Variants in SMO observed in about 807,000 individuals in gnomAD.
SMO encodes the protein protein smoothened.
SMO carries 40 observed loss-of-function variants against 81.6 expected under a neutral mutation model. That is an observed-to-expected ratio of 0.49 (90% confidence interval 0.38 to 0.64). SMO has a LOEUF of 0.64. Ranked by LOEUF, SMO falls within the 30% of genes least tolerant of loss-of-function variation. The pLI is 0.00. For missense variants in SMO, 916 were observed against 1,061.1 expected (o/e 0.86, Z 1.90); for synonymous variants, 434 against 432.1 (o/e 1.00, Z -0.05).
chr7:129,193,785 AATATATATATATATAT>A (rs71526088), intron 1 of SMO, among the ~76,000 whole-genome samples: 29 of 26,356 alleles, frequency 1.1e-3, no homozygotes, highest in African/African-American at 4.2e-3. Context: ...AAAAAAAAAA[AATATATATATATATAT>A]ATATATATAT....
chr7:129,191,715 G>A (rs1793485047), intron 1 of SMO, among the ~76,000 whole-genome samples: 1 of 152,130 alleles, frequency 6.6e-6, no homozygotes, highest in South Asian at 2.1e-4. Flanking sequence ...GCTCTTAGGG[G>A]TGTTTTTGTG....
intron 1 of SMO, among the ~76,000 whole-genome samples, chr7:129,202,844 CG>C (rs1793692909): frequency 6.6e-6 from 1 of 152,182 alleles, no homozygotes; most frequent in Non-Finnish European, 1.5e-5. Flanking sequence ...AAATCCACCC[CG>C]GGGAGCTCTA....
rs1435033504 is a variant in SMO at position 129,208,126 on chromosome 7, A to T, written c.1265-633A>T. On this transcript the variant is annotated intron_variant, in intron 6 of 11. Coordinates refer to ENST00000249373, the MANE Select transcript of SMO (RefSeq NM_005631.5). The surrounding 1 kb of genome is among the most constrained non-coding windows in gnomAD (Gnocchi z 5.2). Reference sequence around the variant, plus strand: ...TTCTTTTAACTTTTTTTAAGTGGCCACTAGAAATTTGCCATATGTATGTGG... The same window carrying T: ...TTCTTTTAACTTTTTTTAAGTGGCCTCTAGAAATTTGCCATATGTATGTGG... Among the ~76,000 whole-genome samples the T allele has an allele frequency of 6.6e-6, 1 of 152,136 alleles. No homozygotes were observed. The highest frequency in any genetic ancestry group is 1.9e-4 in the East Asian group (1 of 5,180).
chr7:129,201,184 T>C (rs1793662956), intron 1 of SMO, among the ~76,000 whole-genome samples: 1 of 151,808 alleles, frequency 6.6e-6, no homozygotes, highest in Admixed American at 6.6e-5. Flanking sequence ...GTAGCTGGGA[T>C]TACAGGCATG....
chr7:129,200,731 T>TTG (rs1793655625), intron 1 of SMO, among the ~76,000 whole-genome samples: 5 of 149,584 alleles, frequency 3.3e-5, no homozygotes, highest in Non-Finnish European at 7.4e-5. Context: ...CAGTTTTTTT[T>TTG]TTGTTGTTGT....
At chr7:129,192,762 GGAA>G (rs758759966) in intron 1 of SMO, among the ~76,000 whole-genome samples, 3 of 152,194 alleles carry the variant, frequency 2.0e-5, no homozygotes, top group East Asian at 1.9e-4. Flanking sequence ...GAATGCTAGA[GGAA>G]GAAGAAGTTT....
chr7:129,190,809 C>CT (rs1482166796), intron 1 of SMO, among the ~76,000 whole-genome samples: 2 of 152,206 alleles, frequency 1.3e-5, no homozygotes, highest in Non-Finnish European at 2.9e-5. Context: ...TTTGAAAACT[C>CT]TGCAGATTAC....
intron 1 of SMO, among the ~76,000 whole-genome samples, chr7:129,191,425 C>T (rs1793480298): frequency 6.6e-6 from 1 of 152,304 alleles, no homozygotes; most frequent in Non-Finnish European, 1.5e-5. Flanking sequence ...AGCCCAGCAC[C>T]GTTAGTTCCA....
intron 1 of SMO, among the ~76,000 whole-genome samples, chr7:129,197,039 T>G (rs940113158): frequency 1.5e-5 from 2 of 136,396 alleles, no homozygotes; most frequent in East Asian, 2.2e-4. Flanking sequence ...AAAAAAGAAA[T>G]AAAATTGATG....
At chr7:129,200,731 T>G (rs6953056) in intron 1 of SMO, among the ~76,000 whole-genome samples, 119,631 of 149,654 alleles carry the variant, frequency 0.8, 47,745 homozygotes, top group Middle Eastern at 0.88. Flanking sequence ...CAGTTTTTTT[T>G]TTGTTGTTGT....
chr7:129,209,445 C>T, intron 8 of SMO, 48 bp downstream of exon 8: 1 of 1,297,444 alleles, frequency 7.7e-7, no homozygotes. Context: ...GGAGCCAAGG[C>T]CATAAAGACA....
chr7:129,209,070 C>T (rs1793820996), intron 7 of SMO: 1 of 609,928 alleles, frequency 1.6e-6, no homozygotes, highest in African/African-American at 1.8e-5. Context: ...GGGACTGGTT[C>T]CTCCTGCCCA....
chr7:129,209,344 C>A lies in SMO; in HGVS notation c.1413C>A (p.Phe471Leu). Residue 471 changes from phenylalanine (F) to leucine (L), a missense_variant, in exon 8 of 12, where the codon TTC becomes TTA. Phe to Leu is a conservative substitution (Grantham distance 22, BLOSUM62 0). This residue lies in a region of SMO where 436 missense variants were observed against 570.9 expected (regional missense o/e 0.76). Transcript: ENST00000249373. The stretch of plus-strand genomic sequence containing the variant: ...TGCTCATTACCTTCAGCTGCCACTT[C>A]TACGACTTCTTCAACCAGGCTGAGT... ...GFVLITFSCH[F>L]YDFFNQAEWE... 1 of 1,614,176 alleles carries A rather than the reference C, an allele frequency of 6.2e-7. No homozygotes were observed. Among genetic ancestry groups the A allele is most frequent in the Non-Finnish European group, 8.5e-7 (1 of 1,180,006 alleles).
rs1377500860 is a variant in SMO at position 129,203,464 on chromosome 7, C to A, written c.412C>A (p.Arg138=). The A allele has an allele frequency of 6.3e-7, 1 of 1,584,572 alleles. No individual in the cohort carries two copies. The highest frequency in any genetic ancestry group is 2.3e-5 in the East Asian group (1 of 43,524). The part of the protein sequence containing the change: ...AVYMPKCEND[R]VELPSRTLCQ... Reference sequence around the variant, plus strand: ...ATACATGCCCAAGTGTGAGAATGACCGGGTGGAGCTGCCCAGCCGTACCCT... The same window carrying A: ...ATACATGCCCAAGTGTGAGAATGACAGGGTGGAGCTGCCCAGCCGTACCCT... The change falls in exon 2 of 12, where the codon CGG becomes AGG. Residue 138 remains arginine, a synonymous_variant. Coordinates refer to ENST00000249373, the MANE Select transcript of SMO (RefSeq NM_005631.5).
chr7:129,211,489 T>C lies in SMO; in HGVS notation c.1802-147T>C. ...CCCTTCTCTTCAGATTCTGAAGGGGTAGAGATCACCGTGGTTACAGGGTGA... is the reference window on the plus strand; with the variant it reads ...CCCTTCTCTTCAGATTCTGAAGGGGCAGAGATCACCGTGGTTACAGGGTGA... On this transcript the variant is annotated intron_variant, in intron 10 of 11. Coordinates refer to ENST00000249373, the MANE Select transcript of SMO (RefSeq NM_005631.5). This position sits in a 1 kb window ranked among gnomAD's most constrained non-coding sequence, Gnocchi z 4.6. The C allele has an allele frequency of 1.1e-6, 1 of 878,730 alleles. No individual in the cohort carries two copies. 54.4% of individuals were successfully genotyped at this position (878,730 alleles called of 1,614,324 possible).
At chr7:129,203,807 G>A (rs1476598204) in intron 2 of SMO, among the ~76,000 whole-genome samples, 1 of 152,162 alleles carries the variant, frequency 6.6e-6, no homozygotes, top group African/African-American at 2.4e-5. Context: ...CACATGTTCA[G>A]CAAAATGTTT....
chr7:129,197,862 T>C (rs543605947), intron 1 of SMO, among the ~76,000 whole-genome samples: 1 of 152,334 alleles, frequency 6.6e-6, no homozygotes, highest in South Asian at 2.1e-4. Flanking sequence ...ACTTGACTAG[T>C]CATCAGAATC....
At position 129,191,036 on chromosome 7, in the gene SMO, A is replaced by G. The variant is rs192537217; in HGVS notation, c.331+1554A>G. On this transcript the variant is annotated intron_variant, in intron 1 of 11. Coordinates refer to ENST00000249373, the MANE Select transcript of SMO (RefSeq NM_005631.5). ...GCAAGATTGCTTTGAGCACCACCCA[A>G]AATGAGACTTGAGTTTAGGAGCCAG... 9.8e-5 allele frequency among the ~76,000 whole-genome samples: 15 copies of G among 152,334 alleles called. No individual in the cohort carries two copies. The East Asian group carries it at 2.9e-3, about 29-fold the overall frequency.
At chr7:129,209,114 CA>C in intron 7 of SMO, 174 bp from the exon 8 acceptor site, 1 of 612,294 alleles carries the variant, frequency 1.6e-6, no homozygotes, top group Non-Finnish European at 3.0e-6. Context: ...ACAGTTGCTT[CA>C]AGTGCCCTTC....
Sources: gnomAD v4.1 joint callset for allele counts (sites outside exome capture counted in the v4.1 genomes callset) on GRCh38, gnomAD v4.1.1 for gene constraint, gnomAD v4.1.1 regional missense constraint, Gnocchi (gnomAD v3.1) non-coding constraint, MANE v1.5 for transcripts, NCBI Gene and HGNC (gene_info 2026-07-23, HGNC 2026-07-21) for gene names.